The following SLC4A7 variants were observed in gnomAD, a reference collection of about 807,000 sequenced individuals.
SLC4A7 encodes the protein solute carrier family 4 member 7.
A neutral mutation model predicts 137.6 loss-of-function variants in SLC4A7; 51 were observed. The observed-to-expected ratio is 0.37, with a 90% confidence interval of 0.30 to 0.47. SLC4A7 has a LOEUF of 0.47. SLC4A7 is among the 20% of genes least tolerant of loss of function. SLC4A7 has a pLI of 1.00. For missense variants in SLC4A7, 1,247 were observed against 1,525.4 expected (o/e 0.82, Z 3.04); for synonymous variants, 542 against 518.6 (o/e 1.05, Z -0.61).
At chr3:27,461,797 CA>C (rs11353094) in intron 1 of SLC4A7, among the ~76,000 whole-genome samples, 5,092 of 135,736 alleles carry the variant, frequency 0.038, 231 homozygotes, top group African/African-American at 0.12. Context: ...CCATCTCCAC[CA>C]AAAAAAAAAA....
At position 27,404,951 on chromosome 3, in the gene SLC4A7, A is replaced by C; in HGVS notation, c.1954T>G (p.Ser652Ala). Residue 652 changes from serine to alanine, a missense_variant, in exon 14 of 26, where the codon TCT (serine) becomes GCT (alanine). Physicochemically the swap from Ser to Ala is moderately conservative, Grantham distance 99. Around this residue, in one of 6 missense-constraint regions of SLC4A7, gnomAD observed 499 missense variants for 664.2 expected, o/e 0.75. Transcript: ENST00000454389. ...CCAGTTAATGATGCTCCAAAAAGAG[A>C]CTCTATTGCACTCTGTTTAAGGAAA... Reference protein sequence around the residue: ...ATEGRISAIESLFGASLTGIA... With the variant: ...ATEGRISAIEALFGASLTGIA... The C allele has an allele frequency of 6.3e-7, 1 of 1,581,112 alleles. No individual in the cohort carries two copies. Among genetic ancestry groups the C allele is most frequent in the Non-Finnish European group, 8.5e-7 (1 of 1,170,896 alleles).
chr3:27,431,509 G>T lies in SLC4A7; in HGVS notation c.939C>A (p.Pro313=). Reference sequence around the variant, plus strand: ...TAGAAGGAGGACTGTTTTGAGGGGTGGGTACTGGGGTTGTACACCTTGAGC... The same window carrying T: ...TAGAAGGAGGACTGTTTTGAGGGGTTGGTACTGGGGTTGTACACCTTGAGC... ...PAGSRCTTPV[P]TPQNSPPSSP... Residue 313 remains proline, a synonymous_variant, in exon 7 of 26, where the codon CCC becomes CCA. Coordinates refer to ENST00000454389, the MANE Select transcript of SLC4A7 (RefSeq NM_001321103.2). 1 of 1,614,092 alleles carries T rather than the reference G, an allele frequency of 6.2e-7. No homozygotes were observed. Among genetic ancestry groups the T allele is most frequent in the Non-Finnish European group, 8.5e-7 (1 of 1,179,992 alleles).
intron 10 of SLC4A7, among the ~76,000 whole-genome samples, chr3:27,420,275 G>A (rs919488662): frequency 1.3e-5 from 2 of 152,080 alleles, no homozygotes; most frequent in Non-Finnish European, 2.9e-5. Flanking sequence ...GCAAGAATCT[G>A]ATTACAAATC....
chr3:27,429,756 A>C (rs961883621), intron 7 of SLC4A7, among the ~76,000 whole-genome samples: 4 of 152,126 alleles, frequency 2.6e-5, no homozygotes, highest in Non-Finnish European at 5.9e-5. Flanking sequence ...AGGCTGAGGC[A>C]GGAGAATCAC....
At chr3:27,421,900 G>T in intron 8 of SLC4A7, 121 bp from the exon 9 acceptor site, 1 of 690,856 alleles carries the variant, frequency 1.4e-6, no homozygotes, top group Non-Finnish European at 2.3e-6. Context: ...GTGATCTAAT[G>T]AATGTTTAAA....
chr3:27,412,122 T>C (rs965329656), intron 11 of SLC4A7, among the ~76,000 whole-genome samples: 2 of 152,198 alleles, frequency 1.3e-5, no homozygotes, highest in Non-Finnish European at 2.9e-5. Flanking sequence ...CTATTAACTA[T>C]TGAAAATTAC....
At chr3:27,377,096 A>AGGG (rs752990751) in intron 25 of SLC4A7, among the ~76,000 whole-genome samples, 230 of 152,190 alleles carry the variant, frequency 1.5e-3, no homozygotes, top group Middle Eastern at 6.8e-3. Context: ...ACAACTAAAG[A>AGGG]GGGGGTCCTT....
chr3:27,440,562 T>C (rs907961577), intron 3 of SLC4A7, among the ~76,000 whole-genome samples: 2 of 151,650 alleles, frequency 1.3e-5, no homozygotes, highest in Non-Finnish European at 2.9e-5. Context: ...ACCCCGTCTC[T>C]ATGAAAAATA....
chr3:27,461,981 G>C (rs1416891870), intron 1 of SLC4A7, among the ~76,000 whole-genome samples: 1 of 151,872 alleles, frequency 6.6e-6, no homozygotes, highest in African/African-American at 2.4e-5. Context: ...GATGAACCAA[G>C]TAATTCCCTT....
At chr3:27,406,107 C>T (rs1019501081) in intron 13 of SLC4A7, among the ~76,000 whole-genome samples, 8 of 152,166 alleles carry the variant, frequency 5.3e-5, no homozygotes, top group Non-Finnish European at 7.3e-5. Flanking sequence ...TGAGAGGCAG[C>T]GCAGCAACAG....
At chr3:27,424,889 T>C (rs1251886122) in intron 7 of SLC4A7, among the ~76,000 whole-genome samples, 1 of 152,140 alleles carries the variant, frequency 6.6e-6, no homozygotes, top group African/African-American at 2.4e-5. Context: ...CTCATAAAAA[T>C]AGCTTATTTG....
intron 25 of SLC4A7, among the ~76,000 whole-genome samples, chr3:27,377,247 A>G (rs1461369676): frequency 2.6e-5 from 4 of 151,424 alleles, no homozygotes; most frequent in Admixed American, 1.3e-4. Flanking sequence ...AATTTCCAAG[A>G]AGGTTATAAA....
intron 22 of SLC4A7, among the ~76,000 whole-genome samples, chr3:27,389,563 T>C (rs1472686199): frequency 6.6e-6 from 1 of 152,182 alleles, no homozygotes; most frequent in East Asian, 1.9e-4. Context: ...CTTCCACATC[T>C]GTCAATTTCT....
intron 21 of SLC4A7, among the ~76,000 whole-genome samples, chr3:27,390,736 A>C (rs960407026): frequency 1.3e-5 from 2 of 152,188 alleles, no homozygotes; most frequent in East Asian, 3.9e-4. Flanking sequence ...CTAGCCTATG[A>C]GTTGGAAACT....
rs551809922 is a variant in SLC4A7 at position 27,411,654 on chromosome 3, T to C, written c.1754A>G (p.Gln585Arg). 7.7e-6 allele frequency: 12 copies of C among 1,551,006 alleles called. No homozygotes were observed. In the South Asian group the frequency reaches 1.5e-4, roughly 19 times the overall value. ...EAAHHAGPEL[Q>R]RTGRLFGGLI... ...TATTTGCACCCACCGTCCAGTCCTC[T>C]GTAGCTCAGGCCCAGCATGATGAGC... Residue 585 changes from glutamine to arginine, a missense_variant, in exon 12 of 26, where the codon CAG becomes CGG. Around this residue, in one of 6 missense-constraint regions of SLC4A7, gnomAD observed 499 missense variants for 664.2 expected, o/e 0.75. Transcript: ENST00000454389.
chr3:27,381,230 A>G (rs73149773), intron 24 of SLC4A7, among the ~76,000 whole-genome samples: 9,609 of 152,262 alleles, frequency 0.063, 1,007 homozygotes, highest in African/African-American at 0.22. Flanking sequence ...CTTTTTCTTT[A>G]TCAGACTATA....
Position 27,431,609 on chromosome 3 carries a change from G to A in SLC4A7, c.839C>T (p.Ser280Phe), listed in dbSNP as rs761034104. The part of the protein sequence containing the change: ...LRTGLSASNL[S>F]LRGESPLSLL... ...AGATAAAGGTGATTCTCCTCTCAAG[G>A]AAAGGTTTGAGGCAGACAGACCTGT... The change falls in exon 7 of 26, where the codon TCC becomes TTC. Residue 280 changes from serine to phenylalanine, a missense_variant. This residue lies in a region of SLC4A7 where 223 missense variants were observed against 203.6 expected (regional missense o/e 1.10). Coordinates refer to ENST00000454389, the MANE Select transcript of SLC4A7 (RefSeq NM_001321103.2). 1 of 1,613,550 alleles carries A rather than the reference G, an allele frequency of 6.2e-7. No homozygotes were observed. Among genetic ancestry groups the A allele is most frequent in the African/African-American group, 1.3e-5 (1 of 74,924 alleles).
chr3:27,437,567 C>G (rs976050473), intron 3 of SLC4A7, 41 bp from the exon 4 acceptor site: 1 of 1,353,930 alleles, frequency 7.4e-7, no homozygotes, highest in Non-Finnish European at 9.8e-7. Context: ...AATTTTTCCT[C>G]AAGTCATTCA....
In SLC4A7 at chr3:27,421,611, TA is replaced by T; in HGVS notation, c.1424+10del. 6.2e-7 allele frequency: 1 copy of T among 1,600,902 alleles called. No homozygotes were observed. Among genetic ancestry groups the T allele is most frequent in the South Asian group, 1.1e-5 (1 of 88,574 alleles). Reference sequence around the variant, plus strand: ...ATGCTTAGAGAATGTTACTTGGAACTAACTCTTTACCTGGTTGGAACAGGGA... The same window carrying T: ...ATGCTTAGAGAATGTTACTTGGAACTACTCTTTACCTGGTTGGAACAGGGA... On this transcript the variant is annotated intron_variant, in intron 9 of 25. Coordinates refer to ENST00000454389, the MANE Select transcript of SLC4A7 (RefSeq NM_001321103.2).
Sources: gnomAD v4.1 joint callset for allele counts (sites outside exome capture counted in the v4.1 genomes callset) on GRCh38, gnomAD v4.1.1 for gene constraint, gnomAD v4.1.1 regional missense constraint, MANE v1.5 for transcripts, NCBI Gene and HGNC (gene_info 2026-07-23, HGNC 2026-07-21) for gene names.